CCDC112: variants seen among roughly 807,000 people sequenced by gnomAD.
The protein encoded by CCDC112 is coiled-coil domain containing 112.
CCDC112 carries 40 observed loss-of-function variants against 66.3 expected under a neutral mutation model. The observed-to-expected ratio is 0.60, with a 90% CI of 0.47 to 0.79. The LOEUF is 0.79. Ranked by LOEUF, CCDC112 falls within the 30% of genes least tolerant of loss-of-function variation. The pLI is 0.00. For missense variants in CCDC112, 659 were observed against 603.8 expected, an observed-to-expected ratio of 1.09 and a Z score of -0.96; for synonymous variants, 214 against 197.2, an observed-to-expected ratio of 1.09 and a Z score of -0.71.
intron 7 of CCDC112, among the ~76,000 whole-genome samples, chr5:115,270,761 T>C (rs1016119309): frequency 2.0e-5 from 3 of 152,172 alleles, no homozygotes; most frequent in African/African-American, 7.2e-5. Context: ...TTGGTTCCCC[T>C]CTCCTGCTTA....
chr5:115,267,822 T>A lies in CCDC112; in HGVS notation c.*54A>T. ...AGAATGTGGTTAGTCACTCTCTCCC[T>A]GGTATAACTTAGTATGTTAACATTC... On this transcript the variant is annotated 3_prime_UTR_variant, in exon 10 of 10. Transcript: ENST00000379611. 1 of 1,348,172 alleles carries A rather than the reference T, an allele frequency of 7.4e-7. No individual in the cohort carries two copies. The highest frequency in any genetic ancestry group is 1.2e-5 in the South Asian group (1 of 85,364). The allele number at this position is 1,348,172 out of a possible 1,614,324, so 83.5% of individuals were successfully genotyped here. A position where few individuals can be genotyped will look rare whatever the true frequency, so the allele number is the denominator to read the frequency against.
At chr5:115,291,245 C>T (rs750253798) in intron 1 of CCDC112, among the ~76,000 whole-genome samples, 3 of 151,938 alleles carry the variant, frequency 2.0e-5, no homozygotes, top group Non-Finnish European at 4.4e-5. Flanking sequence ...GATGATTATG[C>T]GGTTTTGCCC....
intron 7 of CCDC112, among the ~76,000 whole-genome samples, chr5:115,270,793 G>A (rs1748962952): frequency 6.6e-6 from 1 of 152,134 alleles, no homozygotes; most frequent in Non-Finnish European, 1.5e-5. Context: ...ATACTGAAGT[G>A]TTAATAGTCT....
chr5:115,276,110 C>T, intron 4 of CCDC112, 41 bp from the exon 5 acceptor site: 1 of 1,391,360 alleles, frequency 7.2e-7, no homozygotes, highest in Non-Finnish European at 1.0e-6. Flanking sequence ...GCCATTTTCC[C>T]ATATGGCTAA....
chr5:115,277,410 T>C (rs988777015), intron 3 of CCDC112, among the ~76,000 whole-genome samples: 10 of 152,226 alleles, frequency 6.6e-5, no homozygotes, highest in Admixed American at 3.3e-4. Flanking sequence ...TTCTTTTTAA[T>C]TTGTTATAAC....
At chr5:115,287,503 C>A (rs1025444959) in intron 1 of CCDC112, among the ~76,000 whole-genome samples, 4 of 152,076 alleles carry the variant, frequency 2.6e-5, no homozygotes, top group Admixed American at 1.3e-4. Flanking sequence ...ATGCTAAGTG[C>A]CACATGATCA....
intron 4 of CCDC112, among the ~76,000 whole-genome samples, chr5:115,276,466 G>T (rs1469855744): frequency 6.6e-6 from 1 of 152,114 alleles, no homozygotes; most frequent in Non-Finnish European, 1.5e-5. Flanking sequence ...AGGAGGTAGG[G>T]ATATAATTTG....
At chr5:115,295,112 C>G (rs190999352) in intron 1 of CCDC112, among the ~76,000 whole-genome samples, 9 of 152,244 alleles carry the variant, frequency 5.9e-5, no homozygotes, top group African/African-American at 2.2e-4. Flanking sequence ...CCCACTCTGA[C>G]AGCCAAAAAT....
At chr5:115,271,878 A>G (rs1315013403) in intron 6 of CCDC112, among the ~76,000 whole-genome samples, 2 of 151,312 alleles carry the variant, frequency 1.3e-5, no homozygotes, top group African/African-American at 2.4e-5. Context: ...ATCAAGTTCA[A>G]AAGGACTACA....
Position 115,276,033 on chromosome 5 carries a change from T to G in CCDC112, c.488A>C (p.Glu163Ala), listed in dbSNP as rs1749193966. Residue 163 changes from glutamate to alanine, a missense_variant, in exon 5 of 10, where the codon GAA (glutamate) becomes GCA (alanine). By Grantham distance (107) the Glu-to-Ala change is moderately radical. Transcript: ENST00000379611. ...TTCTTTAAAAGTGTTAATTGCATTT[T>G]CAATTTCTTCCATCATTTCTCTGAG... ...EKLREMMEEI[E>A]NAINTFKEEQ... The G allele has an allele frequency of 1.9e-6, 3 of 1,607,274 alleles. No homozygotes were observed. Among genetic ancestry groups the G allele is most frequent in the Non-Finnish European group, 2.5e-6 (3 of 1,176,860 alleles).
intron 1 of CCDC112, among the ~76,000 whole-genome samples, chr5:115,288,146 A>G (rs1333667478): frequency 2.0e-5 from 3 of 152,002 alleles, no homozygotes; most frequent in Admixed American, 2.0e-4. Flanking sequence ...ACGCCCAGCT[A>G]ATTTTTGTAT....
chr5:115,289,167 T>A (rs1749812625), intron 1 of CCDC112: 1 of 211,560 alleles, frequency 4.7e-6, no homozygotes, highest in Admixed American at 6.0e-5. Flanking sequence ...GTTCTCCTTT[T>A]CCCTTCGGTT....
chr5:115,289,422 C>G (rs1472500156), intron 1 of CCDC112: 2 of 153,070 alleles, frequency 1.3e-5, no homozygotes, highest in Non-Finnish European at 2.9e-5. Flanking sequence ...CTGGCTGTTG[C>G]CGCTCCTCCC....
At chr5:115,268,112 C>T (rs529453048) in intron 9 of CCDC112, among the ~76,000 whole-genome samples, 194 bp from the exon 10 acceptor site, 1 of 152,270 alleles carries the variant, frequency 6.6e-6, no homozygotes, top group Non-Finnish European at 1.5e-5. Context: ...AACTGATTGA[C>T]AGACAAACCA....
chr5:115,277,098 T>C (rs1246410938), intron 3 of CCDC112, 44 bp from the exon 4 acceptor site: 6 of 1,181,214 alleles, frequency 5.1e-6, no homozygotes, highest in South Asian at 2.5e-5. Flanking sequence ...CTGTGACAAA[T>C]GTGGTTACAA....
At chr5:115,293,213 G>A (rs1190308193) in intron 1 of CCDC112, among the ~76,000 whole-genome samples, 1 of 152,162 alleles carries the variant, frequency 6.6e-6, no homozygotes, top group African/African-American at 2.4e-5. Flanking sequence ...TGGTCAAACG[G>A]TGCAAAGTTT....
chr5:115,296,574 G>T lies in CCDC112; in HGVS notation c.-31C>A. The T allele has an allele frequency of 1.4e-6, 2 of 1,442,862 alleles. No homozygotes were observed. The highest frequency in any genetic ancestry group is 1.5e-5 in the South Asian group (1 of 68,212). The allele number at this position is 1,442,862 out of a possible 1,614,324, so 89.4% of individuals were successfully genotyped here. On this transcript the variant is annotated 5_prime_UTR_variant, in exon 1 of 10. Coordinates refer to ENST00000379611, the MANE Select transcript of CCDC112 (RefSeq NM_001040440.3). ...CCCGCCGAGCTACTCGGGCCGCGGC[G>T]GCCACCGGTGCCTGGGGATTCGTGG...
intron 3 of CCDC112, among the ~76,000 whole-genome samples, chr5:115,277,972 A>G (rs1749280339): frequency 6.6e-6 from 1 of 152,180 alleles, no homozygotes; most frequent in African/African-American, 2.4e-5. Context: ...TTTTTTTAAG[A>G]AAAAGTTTAC....
chr5:115,275,138 A>G, intron 6 of CCDC112, 78 bp downstream of exon 6: 1 of 1,086,320 alleles, frequency 9.2e-7, no homozygotes, highest in Non-Finnish European at 1.3e-6. Context: ...CTGTAAAGTT[A>G]ATGAGACATG....
Sources: allele counts gnomAD v4.1 joint callset (sites outside exome capture counted in the v4.1 genomes callset), GRCh38; gene constraint gnomAD v4.1.1; transcripts MANE v1.5; gene names NCBI Gene and HGNC (gene_info 2026-07-23, HGNC 2026-07-21).